The following FAM53B variants were observed in gnomAD, a reference collection of about 807,000 sequenced individuals.
FAM53B encodes protein FAM53B.
A neutral mutation model predicts 32.7 loss-of-function variants in FAM53B; 12 were observed. The observed-to-expected ratio is 0.37, with a 90% CI of 0.24 to 0.59. FAM53B has a LOEUF of 0.59. FAM53B is among the 20% of genes least tolerant of loss of function. The pLI, the probability that FAM53B is intolerant of heterozygous loss-of-function variation, is 0.72. For missense variants in FAM53B, 477 were observed against 577.7 expected, an observed-to-expected ratio of 0.83 and a Z score of 1.79; for synonymous variants, 234 against 228.7, an observed-to-expected ratio of 1.02 and a Z score of -0.21.
chr10:124,721,929 G>T (rs185442565), intron 1 of FAM53B, among the ~76,000 whole-genome samples: 37 of 152,284 alleles, frequency 2.4e-4, no homozygotes, highest in African/African-American at 8.4e-4. Flanking sequence ...ACCATGCAAA[G>T]GACGAAACGC....
intron 4 of FAM53B, among the ~76,000 whole-genome samples, chr10:124,642,879 C>T (rs1949486204): frequency 6.6e-6 from 1 of 152,242 alleles, no homozygotes; most frequent in South Asian, 2.1e-4. Context: ...TTTCTCCTTT[C>T]CGCATTACAT....
intron 4 of FAM53B, among the ~76,000 whole-genome samples, chr10:124,631,280 G>A (rs1049900647): frequency 1.3e-5 from 2 of 152,216 alleles, no homozygotes; most frequent in African/African-American, 4.8e-5. Flanking sequence ...AGGACTCTAA[G>A]GAAAATTACC....
intron 4 of FAM53B, among the ~76,000 whole-genome samples, chr10:124,631,543 G>A (rs11245320): frequency 0.042 from 6,386 of 152,286 alleles, 215 homozygotes; most frequent in Non-Finnish European, 0.064. Flanking sequence ...AAGTCACTCC[G>A]TTGGCCTGGG....
intron 2 of FAM53B, among the ~76,000 whole-genome samples, chr10:124,696,659 C>T (rs891409570): frequency 1.3e-5 from 2 of 152,116 alleles, no homozygotes; most frequent in African/African-American, 4.8e-5. Context: ...GAGACCCCTC[C>T]CTTCCAGATC....
chr10:124,647,522 G>A (rs528771959), intron 4 of FAM53B, among the ~76,000 whole-genome samples: 1 of 152,344 alleles, frequency 6.6e-6, no homozygotes, highest in Admixed American at 6.5e-5. Context: ...CCACATGCGG[G>A]AGCTTTCCAT....
Position 124,687,217 on chromosome 10 carries a change from G to A in FAM53B, c.134-4838C>T, listed in dbSNP as rs115470590. ...TTTTTCATGGCAAACTGCCCCAAGC[G>A]CTAGGCCCTGACGTCACACCATACA... is the stretch of plus-strand genomic sequence containing the variant. On this transcript the variant is annotated intron_variant, in intron 3 of 4. Transcript: ENST00000337318. Among the ~76,000 whole-genome samples the A allele has an allele frequency of 4.8e-3, 729 of 152,280 alleles. 5 individuals are homozygous for A. The highest frequency in any genetic ancestry group is 0.016 in the African/African-American group (673 of 41,556).
intron 1 of FAM53B, among the ~76,000 whole-genome samples, chr10:124,736,013 C>T (rs563457440): frequency 9.8e-5 from 15 of 152,386 alleles, no homozygotes; most frequent in African/African-American, 3.4e-4. Flanking sequence ...ATTCTTCCTG[C>T]AGCCACAAGA....
At chr10:124,683,911 A>C (rs934789899) in intron 3 of FAM53B, among the ~76,000 whole-genome samples, 1 of 152,236 alleles carries the variant, frequency 6.6e-6, no homozygotes, top group Non-Finnish European at 1.5e-5. Context: ...TGAGCGTCAC[A>C]AGCAGCAGCT....
intron 1 of FAM53B, among the ~76,000 whole-genome samples, chr10:124,734,265 G>A (rs1043126321): frequency 3.9e-5 from 6 of 152,198 alleles, no homozygotes; most frequent in South Asian, 2.1e-4. Flanking sequence ...TCAGACATTC[G>A]GTAGATCCAT....
Position 124,643,723 on chromosome 10 carries a change from T to C in FAM53B, c.907-20119A>G, listed in dbSNP as rs201218320. On this transcript the variant is annotated intron_variant, in intron 4 of 4. Transcript: ENST00000337318. ...GAGCCGCCATCCCGAACCAGGCTAA[T>C]TAAAAACGTGATTTCCCCCACAGGG... is the stretch of plus-strand genomic sequence containing the variant. 2.0e-5 allele frequency among the ~76,000 whole-genome samples: 3 copies of C among 152,192 alleles called. No homozygotes were observed. The East Asian group carries it at 5.8e-4, about 29-fold the overall frequency.
chr10:124,637,417 G>A (rs1039783874), intron 4 of FAM53B, among the ~76,000 whole-genome samples: 23 of 152,058 alleles, frequency 1.5e-4, no homozygotes, highest in African/African-American at 4.8e-4. Flanking sequence ...CTTGAGCCCC[G>A]GGTGTCCCTG....
chr10:124,672,265 G>A (rs571848062), intron 4 of FAM53B, among the ~76,000 whole-genome samples: 14 of 152,360 alleles, frequency 9.2e-5, no homozygotes, highest in African/African-American at 2.6e-4. Context: ...ACCCATCTCC[G>A]TGATGCACCT....
intron 4 of FAM53B, among the ~76,000 whole-genome samples, chr10:124,662,592 G>T (rs1240376376): frequency 6.6e-6 from 1 of 152,122 alleles, no homozygotes; most frequent in Non-Finnish European, 1.5e-5. Flanking sequence ...CAGGCAGGAG[G>T]ATGGCTTGAG....
chr10:124,741,887 T>A (rs551673192), intron 1 of FAM53B, among the ~76,000 whole-genome samples: 1 of 152,170 alleles, frequency 6.6e-6, no homozygotes, highest in Admixed American at 6.5e-5. Flanking sequence ...ACCAAGACAG[T>A]GGAATGCTCT....
At chr10:124,740,419 G>A (rs770085318) in intron 1 of FAM53B, among the ~76,000 whole-genome samples, 5 of 152,182 alleles carry the variant, frequency 3.3e-5, no homozygotes, top group Admixed American at 6.5e-5. Flanking sequence ...TTTCAGTGGC[G>A]CAGTCATTAA....
intron 1 of FAM53B, among the ~76,000 whole-genome samples, chr10:124,739,043 C>CAAAAAAAAAAAA (rs374990179): frequency 9.3e-6 from 1 of 107,714 alleles, no homozygotes; most frequent in Non-Finnish European, 2.0e-5. Flanking sequence ...CTCCAAAAAA[C>CAAAAAAAAAAAA]AAAAAAAAAA....
chr10:124,683,821 G>C (rs984610198), intron 3 of FAM53B, among the ~76,000 whole-genome samples: 1 of 152,218 alleles, frequency 6.6e-6, no homozygotes, highest in Admixed American at 6.5e-5. Context: ...ACCCATGAGT[G>C]CTCGAGGCAG....
intron 3 of FAM53B, among the ~76,000 whole-genome samples, chr10:124,693,127 C>A (rs896323363): frequency 1.3e-5 from 2 of 152,144 alleles, no homozygotes; most frequent in African/African-American, 2.4e-5. Flanking sequence ...GGGCCCAAAA[C>A]CCTCTTGAAA....
chr10:124,648,178 A>G (rs1949531820), intron 4 of FAM53B, among the ~76,000 whole-genome samples: 1 of 152,250 alleles, frequency 6.6e-6, no homozygotes, highest in Non-Finnish European at 1.5e-5. Context: ...AGCTTCTGGG[A>G]GGAAACCAAG....
Sources: allele counts gnomAD v4.1 joint callset (sites outside exome capture counted in the v4.1 genomes callset), GRCh38; gene constraint gnomAD v4.1.1; transcripts MANE v1.5; gene names NCBI Gene and HGNC (gene_info 2026-07-23, HGNC 2026-07-21).